The following NDFIP1 variants were observed in gnomAD, a reference collection of about 807,000 sequenced individuals.
The protein encoded by NDFIP1 is Nedd4 family interacting protein 1.
A neutral mutation model predicts 28.8 loss-of-function variants in NDFIP1; 7 were observed. The ratio of observed to expected loss-of-function variants is 0.24; its 90% CI spans 0.14 to 0.46. The LOEUF (loss-of-function observed/expected upper bound fraction) is 0.46, where lower values mean the gene tolerates loss of function less well. NDFIP1 is among the 20% of genes least tolerant of loss of function. The probability of loss-of-function intolerance (pLI) is 0.99; values close to 1 mark genes in which losing one functional copy is unlikely to be tolerated. For missense variants in NDFIP1, 194 were observed against 269.1 expected (o/e 0.72, Z 1.95); for synonymous variants, 92 against 101.0 (o/e 0.91, Z 0.53).
At chr5:142,136,774 AG>A (rs1186238677) in intron 4 of NDFIP1, among the ~76,000 whole-genome samples, 23 of 141,452 alleles carry the variant, frequency 1.6e-4, no homozygotes, top group African/African-American at 5.3e-4. Flanking sequence ...AAAAAAAAAA[AG>A]AGGTCAAAGG....
intron 3 of NDFIP1, among the ~76,000 whole-genome samples, chr5:142,133,014 A>G (rs1015670597): frequency 1.3e-5 from 2 of 152,250 alleles, no homozygotes; most frequent in African/African-American, 4.8e-5. Context: ...GTCCCCAGAA[A>G]TGCGGGGACC....
At chr5:142,145,165 T>C (rs949083118) in intron 7 of NDFIP1, among the ~76,000 whole-genome samples, 4 of 152,194 alleles carry the variant, frequency 2.6e-5, no homozygotes, top group African/African-American at 9.7e-5. Flanking sequence ...TTTAAAATTG[T>C]CATTGAGGCT....
chr5:142,127,246 C>T (rs1757178979), intron 1 of NDFIP1, among the ~76,000 whole-genome samples: 1 of 152,150 alleles, frequency 6.6e-6, no homozygotes. Flanking sequence ...AAACTCCTGA[C>T]CTCAAGTGAT....
chr5:142,111,958 T>C (rs994442274), intron 1 of NDFIP1, among the ~76,000 whole-genome samples: 1 of 152,006 alleles, frequency 6.6e-6, no homozygotes, highest in African/African-American at 2.4e-5. Flanking sequence ...TCCCAGCTAC[T>C]TGGGAGGCTG....
chr5:142,147,005 G>C (rs1757396165), intron 7 of NDFIP1, among the ~76,000 whole-genome samples: 1 of 152,164 alleles, frequency 6.6e-6, no homozygotes, highest in African/African-American at 2.4e-5. Context: ...TGTTGAGCCT[G>C]CTGGTGCTTC....
Position 142,144,802 on chromosome 5 carries a change from G to A in NDFIP1, c.*2+126G>A, listed in dbSNP as rs539610111. On this transcript the variant is annotated intron_variant, in intron 7 of 7. Coordinates refer to ENST00000253814, the MANE Select transcript of NDFIP1 (RefSeq NM_030571.4). ...AGAAAGTAAAGAAGGCACAGTCCCTGCCTTTTAGCAGTTTCTTGTCTAGTA... is the reference window on the plus strand; with the variant it reads ...AGAAAGTAAAGAAGGCACAGTCCCTACCTTTTAGCAGTTTCTTGTCTAGTA... The A allele has an allele frequency of 9.8e-5, 53 of 541,572 alleles. No homozygotes were observed. The East Asian group carries it at 1.5e-3, about 16-fold the overall frequency. The allele number at this position is 541,572 out of a possible 1,614,324, so 33.5% of individuals were successfully genotyped here.
chr5:142,148,675 C>G, intron 7 of NDFIP1, among the ~76,000 whole-genome samples: 1 of 144,476 alleles, frequency 6.9e-6, no homozygotes, highest in East Asian at 2.1e-4. Flanking sequence ...CGCTTGAACC[C>G]AGGAGGTGGA....
At chr5:142,115,665 G>A (rs1024818561) in intron 1 of NDFIP1, among the ~76,000 whole-genome samples, 4 of 152,084 alleles carry the variant, frequency 2.6e-5, no homozygotes, top group East Asian at 1.9e-4. Flanking sequence ...TGGCATGATG[G>A]TTTATCTTTT....
At chr5:142,145,186 C>G (rs1441247136) in intron 7 of NDFIP1, among the ~76,000 whole-genome samples, 1 of 152,212 alleles carries the variant, frequency 6.6e-6, no homozygotes, top group Non-Finnish European at 1.5e-5. Flanking sequence ...TTCCCCATGG[C>G]TTTCTTCAGG....
intron 7 of NDFIP1, among the ~76,000 whole-genome samples, chr5:142,145,429 T>C (rs898869586): frequency 6.6e-5 from 10 of 152,194 alleles, no homozygotes; most frequent in Non-Finnish European, 1.5e-4. Flanking sequence ...TAGCAAGTTC[T>C]AATAGGCTTT....
At chr5:142,118,041 T>C (rs1757087652) in intron 1 of NDFIP1, among the ~76,000 whole-genome samples, 1 of 152,120 alleles carries the variant, frequency 6.6e-6, no homozygotes, top group South Asian at 2.1e-4. Context: ...AGCTGAAACA[T>C]TTTTAATTTT....
At chr5:142,110,389 C>T (rs1482962550) in intron 1 of NDFIP1, among the ~76,000 whole-genome samples, 2 of 152,136 alleles carry the variant, frequency 1.3e-5, no homozygotes, top group African/African-American at 4.8e-5. Context: ...TTGCAAATCA[C>T]CCCTACTGTA....
intron 1 of NDFIP1, among the ~76,000 whole-genome samples, chr5:142,114,116 C>G (rs1757041319): frequency 1.3e-5 from 2 of 152,114 alleles, no homozygotes; most frequent in Non-Finnish European, 2.9e-5. Flanking sequence ...TTTAAGTTTT[C>G]GAGAAACTCC....
chr5:142,136,872 C>A (rs917121541), intron 4 of NDFIP1, among the ~76,000 whole-genome samples: 14 of 151,240 alleles, frequency 9.3e-5, no homozygotes, highest in African/African-American at 3.4e-4. Flanking sequence ...TCAAGACCAA[C>A]CTGGCCAACA....
chr5:142,123,235 T>G (rs1231175396), intron 1 of NDFIP1, among the ~76,000 whole-genome samples: 1 of 152,342 alleles, frequency 6.6e-6, no homozygotes, highest in East Asian at 1.9e-4. Flanking sequence ...AGTGCTGGTA[T>G]TACAGGCATG....
chr5:142,137,784 A>G lies in NDFIP1; in HGVS notation c.421A>G (p.Thr141Ala). 6.2e-7 allele frequency: 1 copy of G among 1,613,972 alleles called. No individual in the cohort carries two copies. The highest frequency in any genetic ancestry group is 8.5e-7 in the Non-Finnish European group (1 of 1,179,964). ...IGFFLSFCLTTSAAGRYGAIS... is the reference protein window; with the variant it reads ...IGFFLSFCLTASAAGRYGAIS... ...GTTTTTCCTGTCTTTTTGCCTGACCACTTCAGCTGCAGGAAGGTATGGGGC... is the reference window on the plus strand; with the variant it reads ...GTTTTTCCTGTCTTTTTGCCTGACCGCTTCAGCTGCAGGAAGGTATGGGGC... The change falls in exon 5 of 8, where the codon ACT (threonine) becomes GCT (alanine). Residue 141 changes from threonine (T) to alanine (A), a missense_variant. Physicochemically the swap from Thr to Ala is moderately conservative, Grantham distance 58 (BLOSUM62 0). Transcript: ENST00000253814.
At chr5:142,111,058 C>T (rs61250178) in intron 1 of NDFIP1, among the ~76,000 whole-genome samples, 10,640 of 151,914 alleles carry the variant, frequency 0.07, 490 homozygotes, top group Middle Eastern at 0.14. Context: ...TATACACATG[C>T]ATATGTATTC....
chr5:142,137,924 C>A, intron 5 of NDFIP1, 66 bp downstream of exon 5: 2 of 1,490,216 alleles, frequency 1.3e-6, no homozygotes, highest in South Asian at 1.4e-5. Context: ...TTTGAATATT[C>A]GATTTTTCAT....
At position 142,132,041 on chromosome 5, in the gene NDFIP1, A is replaced by G. The variant is rs1757233191; in HGVS notation, c.151+146A>G. ...TTTTAAATAATTGAGAAGTGGATAC[A>G]TTTAAAAATCACCCCCAGTCTCTTA... On this transcript the variant is annotated intron_variant, in intron 2 of 7. Coordinates refer to ENST00000253814, the MANE Select transcript of NDFIP1 (RefSeq NM_030571.4). 3.8e-6 allele frequency: 4 copies of G among 1,055,740 alleles called. No individual in the cohort carries two copies. In the East Asian group the frequency reaches 7.7e-5, roughly 20 times the overall value. 65.4% of individuals were successfully genotyped at this position (1,055,740 alleles called of 1,614,324 possible).
Sources: gnomAD v4.1 joint callset for allele counts (sites outside exome capture counted in the v4.1 genomes callset) on GRCh38, gnomAD v4.1.1 for gene constraint, MANE v1.5 for transcripts, NCBI Gene and HGNC (gene_info 2026-07-23, HGNC 2026-07-21) for gene names.